Variants in POLA1 observed in about 807,000 individuals in gnomAD.
POLA1 encodes DNA polymerase alpha 1, catalytic subunit.
POLA1 carries 15 observed loss-of-function variants against 124.0 expected under a neutral mutation model. The observed-to-expected ratio is 0.12, with a 90% confidence interval of 0.08 to 0.19. The LOEUF (loss-of-function observed/expected upper bound fraction) is 0.19, where lower values mean the gene tolerates loss of function less well. Among genes scored for constraint, POLA1 ranks in the 10% least tolerant of loss-of-function variants. The probability of loss-of-function intolerance (pLI) is 1.00; values close to 1 mark genes in which losing one functional copy is unlikely to be tolerated. For missense variants in POLA1, 886 were observed against 1,103.4 expected (o/e 0.80, Z 2.79); for synonymous variants, 408 against 389.4 (o/e 1.05, Z -0.56).
intron 36 of POLA1, among the ~76,000 whole-genome samples, chrX:24,980,013 T>C (rs920732511): frequency 1.8e-5 from 2 of 111,931 alleles, no homozygotes; most frequent in African/African-American, 3.2e-5. Context: ...CATGTATTTT[T>C]TCCTTTTCTT....
rs1203005323 is a variant in POLA1 at position 24,855,885 on chromosome X, A to G, written c.4047+12208A>G. ...GTGTGGGTTTCATGTGGTTTGGTCT[A>G]AAACAATCCATGTATAAGTTGACCC... On this transcript the variant is annotated intron_variant, in intron 34 of 36. Transcript: ENST00000379068. Among the ~76,000 whole-genome samples the G allele has an allele frequency of 3.6e-5, 4 of 112,041 alleles. No individual in the cohort carries two copies. The East Asian group carries it at 1.1e-3, about 32-fold the overall frequency.
chrX:24,755,745 C>A (rs1382990834), intron 26 of POLA1, among the ~76,000 whole-genome samples: 1 of 112,048 alleles, frequency 8.9e-6, no homozygotes, highest in Non-Finnish European at 1.9e-5. Context: ...AGCTTTCCCT[C>A]CTCTAGTGAC....
Position 24,723,184 on chromosome X carries a change from A to G in POLA1, c.1117A>G (p.Ile373Val). 3.3e-6 allele frequency: 4 copies of G among 1,205,980 alleles called. No individual in the cohort carries two copies. The highest frequency in any genetic ancestry group is 4.5e-6 in the Non-Finnish European group (4 of 890,337). Residue 373 changes from isoleucine (I) to valine (V), a missense_variant, in exon 11 of 37, where the codon ATT (isoleucine) becomes GTT (valine). Around this residue, in one of 7 missense-constraint regions of POLA1, gnomAD observed 337 missense variants for 402.8 expected, o/e 0.84. Transcript: ENST00000379068. ...GGTATTTCTGTTTGGGAAAGTTTGG[A>G]TTGAATCAGCCGAGACCCATGTGAG... ...GVVFLFGKVW[I>V]ESAETHVSCC...
chrX:24,951,858 A>G (rs965819738), intron 36 of POLA1, among the ~76,000 whole-genome samples: 4 of 111,716 alleles, frequency 3.6e-5, no homozygotes, highest in African/African-American at 1.3e-4. Context: ...ACAGCCATCA[A>G]AAGAAATGTG....
intron 26 of POLA1, among the ~76,000 whole-genome samples, chrX:24,777,600 C>G (rs1297836495): frequency 8.9e-6 from 1 of 112,435 alleles, no homozygotes; most frequent in Non-Finnish European, 1.9e-5. Context: ...CACAGGTGCA[C>G]TACGCAATTC....
intron 36 of POLA1, among the ~76,000 whole-genome samples, chrX:24,993,496 A>G (rs1327808846): frequency 8.9e-6 from 1 of 112,738 alleles, no homozygotes; most frequent in Admixed American, 9.3e-5. Context: ...TCAGGGTTTT[A>G]CTGGCCACAT....
intron 35 of POLA1, among the ~76,000 whole-genome samples, chrX:24,916,366 C>T (rs1156743605): frequency 9.3e-6 from 1 of 107,262 alleles, no homozygotes; most frequent in African/African-American, 3.5e-5. Context: ...ACTGCAACCT[C>T]CGTCTCCAGG....
intron 36 of POLA1, among the ~76,000 whole-genome samples, chrX:24,936,678 T>C (rs917694505): frequency 5.4e-5 from 6 of 111,309 alleles, no homozygotes; most frequent in Non-Finnish European, 1.1e-4. Flanking sequence ...ACTACAGGCA[T>C]CTGCCACCAC....
At chrX:24,879,420 G>T (rs1258821783) in intron 34 of POLA1, among the ~76,000 whole-genome samples, 1 of 112,152 alleles carries the variant, frequency 8.9e-6, no homozygotes, top group Non-Finnish European at 1.9e-5. Flanking sequence ...TTTCTGAAAA[G>T]ATTTGTAATA....
chrX:24,714,907 G>T (rs1825899720), intron 5 of POLA1, among the ~76,000 whole-genome samples: 1 of 112,184 alleles, frequency 8.9e-6, no homozygotes, highest in South Asian at 3.7e-4. Flanking sequence ...TTAGTGAGTA[G>T]CAGGAAGATC....
At chrX:24,748,835 G>A (rs1192156289) in intron 25 of POLA1, 35 bp from the exon 26 acceptor site, 3 of 1,197,678 alleles carry the variant, frequency 2.5e-6, no homozygotes, top group Non-Finnish European at 2.3e-6. Flanking sequence ...ATCTGTAAAT[G>A]TTGTTGTTTG....
chrX:24,698,806 A>G (rs188006222), intron 1 of POLA1, among the ~76,000 whole-genome samples: 20 of 110,919 alleles, frequency 1.8e-4, no homozygotes, highest in East Asian at 1.4e-3. Context: ...GGCATGCACC[A>G]TCATGCCTGG....
chrX:24,869,442 C>T (rs1392063033), intron 34 of POLA1, among the ~76,000 whole-genome samples: 1 of 111,968 alleles, frequency 8.9e-6, no homozygotes, highest in Non-Finnish European at 1.9e-5. Flanking sequence ...GAGTTGGCTC[C>T]TGCCCTTCCA....
At chrX:24,798,894 C>T (rs1330805618) in intron 26 of POLA1, among the ~76,000 whole-genome samples, 3 of 111,287 alleles carry the variant, frequency 2.7e-5, no homozygotes, top group African/African-American at 9.8e-5. Flanking sequence ...CAGTCTTTCT[C>T]AGAAGATTTT....
At chrX:24,863,045 C>A (rs772199304) in intron 34 of POLA1, among the ~76,000 whole-genome samples, 3 of 111,753 alleles carry the variant, frequency 2.7e-5, no homozygotes, top group Non-Finnish European at 5.7e-5. Context: ...TTTAGCTGGT[C>A]TAAAAAAACA....
intron 34 of POLA1, among the ~76,000 whole-genome samples, chrX:24,856,334 C>T (rs1236189605): frequency 4.5e-5 from 5 of 111,956 alleles, no homozygotes; most frequent in Non-Finnish European, 9.4e-5. Context: ...TGGTTCATTC[C>T]TTTTATTGCT....
At chrX:24,866,979 A>G (rs1026147304) in intron 34 of POLA1, among the ~76,000 whole-genome samples, 1 of 112,120 alleles carries the variant, frequency 8.9e-6, no homozygotes, top group South Asian at 3.6e-4. Flanking sequence ...AAAAATTAGT[A>G]TAGATCGTAA....
intron 35 of POLA1, among the ~76,000 whole-genome samples, chrX:24,898,217 A>G (rs2047233277): frequency 2.7e-5 from 3 of 112,420 alleles, no homozygotes; most frequent in Admixed American, 9.4e-5. Flanking sequence ...AGGTATCTCT[A>G]TTTGATACAT....
At chrX:24,725,757 T>C (rs1930502018) in intron 12 of POLA1, among the ~76,000 whole-genome samples, 1 of 112,255 alleles carries the variant, frequency 8.9e-6, no homozygotes, top group Non-Finnish European at 1.9e-5. Flanking sequence ...CCCTCTTGCA[T>C]GCAAATATTT....
Sources: allele counts gnomAD v4.1 joint callset (sites outside exome capture counted in the v4.1 genomes callset), GRCh38; gene constraint gnomAD v4.1.1; regional missense constraint gnomAD v4.1.1; transcripts MANE v1.5; gene names NCBI Gene and HGNC (gene_info 2026-07-23, HGNC 2026-07-21).